Variants in GLIS1 observed in about 807,000 individuals in gnomAD.
The protein encoded by GLIS1 is zinc finger protein GLIS1.
GLIS1 carries 24 observed loss-of-function variants against 63.8 expected under a neutral mutation model. The ratio of observed to expected loss-of-function variants is 0.38; its 90% CI spans 0.27 to 0.53. The LOEUF (loss-of-function observed/expected upper bound fraction) is 0.53. Ranked by LOEUF, GLIS1 falls within the 20% of genes least tolerant of loss-of-function variation. The pLI is 0.85. For synonymous variants in GLIS1, 450 were observed against 482.5 expected, an observed-to-expected ratio of 0.93 and a Z score of 0.88; for missense variants, 1,036 against 1,074.1, an observed-to-expected ratio of 0.96 and a Z score of 0.50.
At chr1:53,682,007 G>A (rs1646280534) in intron 2 of GLIS1, among the ~76,000 whole-genome samples, 2 of 152,194 alleles carry the variant, frequency 1.3e-5, no homozygotes, top group Non-Finnish European at 2.9e-5. Context: ...CTTTGCAAGT[G>A]TTCTTAATCT....
intron 2 of GLIS1, among the ~76,000 whole-genome samples, chr1:53,712,344 C>T (rs567260892): frequency 1.2e-4 from 18 of 152,368 alleles, no homozygotes; most frequent in Middle Eastern, 3.4e-3. Context: ...CATGCCAATG[C>T]TGCTGGTCCA....
chr1:53,526,642 C>T lies in GLIS1; in HGVS notation c.1483-1755G>A, dbSNP rs886176925. 1.3e-5 allele frequency among the ~76,000 whole-genome samples: 2 copies of T among 152,248 alleles called. No homozygotes were observed. Among genetic ancestry groups the T allele is most frequent in the East Asian group, 1.9e-4 (1 of 5,196 alleles). ...GTTCACATGTGCCCAGGCACACACACGGCCCTGCCCTGTCCCTGAGCCGGC... is the reference window on the plus strand; with the variant it reads ...GTTCACATGTGCCCAGGCACACACATGGCCCTGCCCTGTCCCTGAGCCGGC... On this transcript the variant is annotated intron_variant, in intron 5 of 10. Coordinates refer to ENST00000628545, the MANE Select transcript of GLIS1 (RefSeq NM_001367484.1). The surrounding 1 kb of genome is among the most constrained non-coding windows in gnomAD (Gnocchi z 4.4).
chr1:53,586,806 A>G (rs1645140988), intron 4 of GLIS1, among the ~76,000 whole-genome samples: 1 of 152,230 alleles, frequency 6.6e-6, no homozygotes, highest in African/African-American at 2.4e-5. Flanking sequence ...TCAGGAAGAC[A>G]GGGTCCGGGC....
At chr1:53,507,943 C>T (rs1163803157) in intron 10 of GLIS1, among the ~76,000 whole-genome samples, 1 of 152,220 alleles carries the variant, frequency 6.6e-6, no homozygotes, top group Non-Finnish European at 1.5e-5. Flanking sequence ...ACCCGTCTTC[C>T]ATGTGAGCCC....
chr1:53,583,744 G>A (rs1645107876), intron 4 of GLIS1, among the ~76,000 whole-genome samples: 1 of 152,206 alleles, frequency 6.6e-6, no homozygotes, highest in African/African-American at 2.4e-5. Flanking sequence ...CGAGGAGGAG[G>A]GGCCGGGAAA....
chr1:53,727,931 T>C (rs191809415), intron 2 of GLIS1, among the ~76,000 whole-genome samples: 9 of 152,316 alleles, frequency 5.9e-5, no homozygotes, highest in Admixed American at 4.6e-4. Flanking sequence ...ATCTCACATG[T>C]GTTGAGAGCT....
chr1:53,724,298 C>T (rs918589372), intron 2 of GLIS1, among the ~76,000 whole-genome samples: 3 of 152,232 alleles, frequency 2.0e-5, no homozygotes, highest in Non-Finnish European at 4.4e-5. Flanking sequence ...TAGACTAATG[C>T]TGTCCAACAG....
chr1:53,616,807 G>T (rs1361196094), intron 2 of GLIS1, among the ~76,000 whole-genome samples: 2 of 152,150 alleles, frequency 1.3e-5, no homozygotes, highest in Admixed American at 6.5e-5. Context: ...AGAGTTCCAA[G>T]TCCCTCCGAG....
intron 4 of GLIS1, among the ~76,000 whole-genome samples, chr1:53,588,875 G>A (rs911496514): frequency 6.6e-6 from 1 of 152,230 alleles, no homozygotes; most frequent in Non-Finnish European, 1.5e-5. Flanking sequence ...GAAACATACA[G>A]TTTCTTCTTC....
chr1:53,605,254 A>C (rs1329349999), intron 2 of GLIS1, among the ~76,000 whole-genome samples: 3 of 152,090 alleles, frequency 2.0e-5, no homozygotes, highest in Non-Finnish European at 2.9e-5. Context: ...ACTACAACCT[A>C]GACTCCCCTG....
At chr1:53,738,442 C>T (rs553287202) in intron 1 of GLIS1, among the ~76,000 whole-genome samples, 1 of 152,308 alleles carries the variant, frequency 6.6e-6, no homozygotes. Flanking sequence ...GGTAAGGCGC[C>T]TGTTCCGCGT....
chr1:53,598,144 T>A lies in GLIS1; in HGVS notation c.437+1957A>T, dbSNP rs566745199. On this transcript the variant is annotated intron_variant, in intron 3 of 10. Coordinates refer to ENST00000628545, the MANE Select transcript of GLIS1 (RefSeq NM_001367484.1). This position sits in a 1 kb window ranked among gnomAD's most constrained non-coding sequence, Gnocchi z 4.6. ...CCCCAAAATTTATACATTGAAGCCC[T>A]AACATCCAGTTTGACTGTGTTTGGA... Among the ~76,000 whole-genome samples, 13 of 152,354 alleles carry A rather than the reference T, an allele frequency of 8.5e-5. No individual in the cohort carries two copies. The highest frequency in any genetic ancestry group is 1.9e-4 in the Non-Finnish European group (13 of 68,040).
chr1:53,605,288 T>C (rs1645358799), intron 2 of GLIS1, among the ~76,000 whole-genome samples: 1 of 152,118 alleles, frequency 6.6e-6, no homozygotes, highest in Non-Finnish European at 1.5e-5. Context: ...ACCTCACACA[T>C]CCATGATGCT....
At chr1:53,524,952 T>C (rs1381078386) in intron 5 of GLIS1, 65 bp from the exon 6 acceptor site, 5 of 1,218,092 alleles carry the variant, frequency 4.1e-6, no homozygotes, top group Non-Finnish European at 6.0e-6. Flanking sequence ...CGCCTCCGCG[T>C]GACCTGCTGT....
At chr1:53,691,614 C>T (rs72660654) in intron 2 of GLIS1, among the ~76,000 whole-genome samples, 40,442 of 151,676 alleles carry the variant, frequency 0.27, 5,979 homozygotes, top group African/African-American at 0.41. Context: ...ACAACCGCCT[C>T]GCCTGGAGCT....
chr1:53,608,124 C>G (rs1446463890), intron 2 of GLIS1, among the ~76,000 whole-genome samples: 2 of 152,104 alleles, frequency 1.3e-5, no homozygotes, highest in Non-Finnish European at 2.9e-5. Context: ...TACCACCATA[C>G]TTGGCTAATT....
intron 2 of GLIS1, among the ~76,000 whole-genome samples, chr1:53,704,028 A>G (rs1646551009): frequency 6.6e-6 from 1 of 152,274 alleles, no homozygotes; most frequent in African/African-American, 2.4e-5. Context: ...GCCCAGAGCA[A>G]CATTCTTCAA....
At chr1:53,610,193 T>A (rs985323746) in intron 2 of GLIS1, among the ~76,000 whole-genome samples, 1 of 152,254 alleles carries the variant, frequency 6.6e-6, no homozygotes, top group Non-Finnish European at 1.5e-5. Context: ...CGTTACCAGA[T>A]AGTATTGTTT....
chr1:53,614,802 GCACACACATGCACACACATACTCTTT>G (rs1645462448), intron 2 of GLIS1, among the ~76,000 whole-genome samples: 1 of 142,626 alleles, frequency 7.0e-6, no homozygotes, highest in African/African-American at 2.6e-5. Flanking sequence ...GCACACACAC[GCACACACATGCACACACATACTCTTT>G]CACACACATG....
Sources: allele counts gnomAD v4.1 joint callset (sites outside exome capture counted in the v4.1 genomes callset), GRCh38; gene constraint gnomAD v4.1.1; non-coding constraint Gnocchi (gnomAD v3.1); transcripts MANE v1.5; gene names NCBI Gene and HGNC (gene_info 2026-07-23, HGNC 2026-07-21).